CIMAP3: variants seen among roughly 807,000 people sequenced by gnomAD.
CIMAP3 encodes the protein ciliary microtubule-associated protein 3.
At chr1:111,329,940 TA>T in the CIMAP3 span, among the ~76,000 whole-genome samples, 1 of 152,200 alleles carries the variant, frequency 6.6e-6, no homozygotes, top group African/African-American at 2.4e-5. Context: ...AGAGAACCAG[TA>T]TTCAAATTCT....
At chr1:111,339,201 A>T in the CIMAP3 span, among the ~76,000 whole-genome samples, 6 of 151,728 alleles carry the variant, frequency 4.0e-5, no homozygotes, top group African/African-American at 1.5e-4. Context: ...CATGGGACGT[A>T]TCTCAAAATA....
the CIMAP3 span, among the ~76,000 whole-genome samples, chr1:111,328,122 A>T: frequency 2.6e-5 from 4 of 152,150 alleles, no homozygotes; most frequent in Non-Finnish European, 4.4e-5. Context: ...AGTCATTCAG[A>T]AGCATATTGT....
chr1:111,340,454 T>C, the CIMAP3 span, among the ~76,000 whole-genome samples: 1 of 151,842 alleles, frequency 6.6e-6, no homozygotes, highest in Non-Finnish European at 1.5e-5. Flanking sequence ...CGCAACCTAC[T>C]CATCTGACAA....
the CIMAP3 span, among the ~76,000 whole-genome samples, chr1:111,332,925 C>T: frequency 6.6e-6 from 1 of 152,174 alleles, no homozygotes; most frequent in African/African-American, 2.4e-5. Context: ...AGCCCAGAGG[C>T]GTTTGTACCA....
the CIMAP3 span, chr1:111,347,045 C>A: frequency 9.9e-6 from 16 of 1,611,102 alleles, no homozygotes; most frequent in Non-Finnish European, 2.5e-6. Context: ...TGTTATTTTT[C>A]AGATGTGAGT....
the CIMAP3 span, among the ~76,000 whole-genome samples, chr1:111,326,250 G>A: frequency 7.2e-4 from 109 of 152,166 alleles, 1 homozygote; most frequent in Admixed American, 5.6e-3. Context: ...CTTACACCTT[G>A]TATCTAAGTG....
At chr1:111,348,345 C>A in the CIMAP3 span, 1 of 594,798 alleles carries the variant, frequency 1.7e-6, no homozygotes, top group Non-Finnish European at 2.8e-6. Flanking sequence ...GAACCACACC[C>A]GTATCTCGGT....
At chr1:111,338,500 A>G in the CIMAP3 span, among the ~76,000 whole-genome samples, 1 of 152,042 alleles carries the variant, frequency 6.6e-6, no homozygotes, top group Non-Finnish European at 1.5e-5. Flanking sequence ...AAATAGACAC[A>G]ATAAAAAATG....
At chr1:111,350,158 A>T in the CIMAP3 span, 1 of 1,614,130 alleles carries the variant, frequency 6.2e-7, no homozygotes, top group South Asian at 1.1e-5. Context: ...TGCCTGGCCA[A>T]TGAAATTTGG....
At chr1:111,346,570 C>T in the CIMAP3 span, 4 of 1,602,124 alleles carry the variant, frequency 2.5e-6, no homozygotes, top group South Asian at 1.1e-5. Flanking sequence ...TCCCCCTCCC[C>T]GCGCTCCGCA....
chr1:111,340,279 T>A, the CIMAP3 span, among the ~76,000 whole-genome samples: 1 of 151,402 alleles, frequency 6.6e-6, no homozygotes, highest in Non-Finnish European at 1.5e-5. Flanking sequence ...GCATTACCAT[T>A]CAGGACATAG....
At chr1:111,329,467 C>G in the CIMAP3 span, among the ~76,000 whole-genome samples, 115 of 142,700 alleles carry the variant, frequency 8.1e-4, 2 homozygotes, top group Non-Finnish European at 4.8e-4. Flanking sequence ...TCTTCCCCTC[C>G]CTTTCAGGGA....
the CIMAP3 span, among the ~76,000 whole-genome samples, chr1:111,347,489 C>T: frequency 9.2e-5 from 14 of 152,258 alleles, no homozygotes; most frequent in East Asian, 1.9e-4. Flanking sequence ...TTGTGTAATT[C>T]TATGGTCTTG....
the CIMAP3 span, among the ~76,000 whole-genome samples, chr1:111,345,193 T>C: frequency 1.3e-5 from 2 of 152,234 alleles, no homozygotes; most frequent in African/African-American, 4.8e-5. Flanking sequence ...ATTGCATTTC[T>C]TTACATTTTA....
chr1:111,339,857 TTA>T, the CIMAP3 span, among the ~76,000 whole-genome samples: 1 of 151,846 alleles, frequency 6.6e-6, no homozygotes, highest in East Asian at 1.9e-4. Context: ...AAAAACTACT[TTA>T]AAGTTCATAT....
chr1:111,347,034 G>A, the CIMAP3 span: 3 of 1,612,560 alleles, frequency 1.9e-6, no homozygotes, highest in Non-Finnish European at 1.7e-6. Flanking sequence ...GAGGGCCTGG[G>A]TGTTATTTTT....
chr1:111,338,781 A>G, the CIMAP3 span, among the ~76,000 whole-genome samples: 1 of 152,102 alleles, frequency 6.6e-6, no homozygotes, highest in Admixed American at 6.5e-5. Context: ...AGGTACAAGG[A>G]GGAACTGGTA....
At chr1:111,335,149 AAAAAGAC>A in the CIMAP3 span, among the ~76,000 whole-genome samples, 1 of 139,174 alleles carries the variant, frequency 7.2e-6, no homozygotes, top group Non-Finnish European at 1.6e-5. Flanking sequence ...AAAAAAAAAA[AAAAAGAC>A]AGAAAAAAAA....
At chr1:111,331,106 A>G in the CIMAP3 span, among the ~76,000 whole-genome samples, 1 of 152,162 alleles carries the variant, frequency 6.6e-6, no homozygotes, top group Non-Finnish European at 1.5e-5. Flanking sequence ...TTTGTGTGTG[A>G]CTTGATACTT....
Sources: gnomAD v4.1 joint callset for allele counts (sites outside exome capture counted in the v4.1 genomes callset) on GRCh38, gnomAD v4.1.1 for gene constraint, MANE v1.5 for transcripts, NCBI Gene and HGNC (gene_info 2026-07-23, HGNC 2026-07-21) for gene names.